Variants in SNTG1 observed in about 807,000 individuals in gnomAD.
SNTG1 encodes the protein syntrophin gamma 1, also known as gamma-1-syntrophin.
Under a neutral mutation model 74.7 loss-of-function variants are expected in SNTG1, and 39 were observed. The observed-to-expected ratio is 0.52, with a 90% CI of 0.40 to 0.68. The LOEUF (loss-of-function observed/expected upper bound fraction) is 0.68, where lower values mean the gene tolerates loss of function less well. SNTG1 is among the 30% of genes least tolerant of loss of function. The pLI, the probability that SNTG1 is intolerant of heterozygous loss-of-function variation, is 0.00. For synonymous variants in SNTG1, 254 were observed against 217.1 expected (o/e 1.17, Z -1.49); for missense variants, 685 against 609.5 (o/e 1.12, Z -1.30).
At chr8:50,357,372 A>G (rs1355219096) in intron 2 of SNTG1, among the ~76,000 whole-genome samples, 7 of 152,220 alleles carry the variant, frequency 4.6e-5, no homozygotes, top group Non-Finnish European at 1.0e-4. Context: ...AGGTTTACAC[A>G]TTGTTTCTGC....
At chr8:50,094,100 TG>T (rs2079841530) in intron 1 of SNTG1, among the ~76,000 whole-genome samples, 1 of 152,094 alleles carries the variant, frequency 6.6e-6, no homozygotes, top group Non-Finnish European at 1.5e-5. Flanking sequence ...AGGTGTTTGC[TG>T]AAATTATATG....
At position 50,645,847 on chromosome 8, in the gene SNTG1, T is replaced by C. The variant is rs573104561; in HGVS notation, c.850-11062T>C. ...TAGTCCTTTGATACTGCTGGGATTCTCTGTTTTAGCCTCTCGGCAATGATT... is the reference window on the plus strand; with the variant it reads ...TAGTCCTTTGATACTGCTGGGATTCCCTGTTTTAGCCTCTCGGCAATGATT... On this transcript the variant is annotated intron_variant, in intron 13 of 18. Transcript: ENST00000642720. Among the ~76,000 whole-genome samples, 5 of 152,212 alleles carry C rather than the reference T, an allele frequency of 3.3e-5. No homozygotes were observed. In the East Asian group the frequency reaches 9.7e-4, roughly 30 times the overall value.
intron 9 of SNTG1, among the ~76,000 whole-genome samples, chr8:50,517,058 A>C (rs1245351858): frequency 6.6e-6 from 1 of 152,168 alleles, no homozygotes. Flanking sequence ...AGGTCGTGTT[A>C]CCAACAAAGG....
chr8:50,691,860 A>C (rs180873046), intron 15 of SNTG1, among the ~76,000 whole-genome samples: 1 of 152,212 alleles, frequency 6.6e-6, no homozygotes, highest in South Asian at 2.1e-4. Context: ...ACTTGGTTCC[A>C]TTCTCCCTGT....
chr8:50,446,258 G>A (rs1355619827), intron 5 of SNTG1, among the ~76,000 whole-genome samples: 1 of 152,112 alleles, frequency 6.6e-6, no homozygotes, highest in East Asian at 1.9e-4. Flanking sequence ...AATGAAGGCA[G>A]CGTGATTTTG....
intron 17 of SNTG1, chr8:50,709,311 A>G (rs2095454874): frequency 6.0e-6 from 2 of 332,860 alleles, no homozygotes; most frequent in Middle Eastern, 7.9e-4. Context: ...AGCAGTTTTT[A>G]AAAAACATGT....
chr8:50,706,791 C>A (rs547836795), intron 16 of SNTG1, among the ~76,000 whole-genome samples: 7 of 151,844 alleles, frequency 4.6e-5, no homozygotes, highest in Non-Finnish European at 4.4e-5. Flanking sequence ...ACATGAAGAA[C>A]CTTAACACGT....
intron 15 of SNTG1, among the ~76,000 whole-genome samples, chr8:50,691,134 A>T (rs2095376855): frequency 6.6e-6 from 1 of 152,014 alleles, no homozygotes; most frequent in Non-Finnish European, 1.5e-5. Flanking sequence ...TTTTGAGCCT[A>T]TGTGTGTCTC....
intron 1 of SNTG1, among the ~76,000 whole-genome samples, chr8:50,117,232 A>G (rs895021566): frequency 4.6e-5 from 7 of 152,044 alleles, no homozygotes; most frequent in Non-Finnish European, 5.9e-5. Context: ...TCTTTTCCAG[A>G]GTGTGTGCAC....
intron 4 of SNTG1, among the ~76,000 whole-genome samples, chr8:50,407,414 A>G (rs1035086563): frequency 6.6e-6 from 1 of 152,190 alleles, no homozygotes; most frequent in African/African-American, 2.4e-5. Flanking sequence ...GACTGAAAAC[A>G]AGATTGCTAT....
chr8:50,472,363 A>G (rs1183086186), intron 8 of SNTG1, among the ~76,000 whole-genome samples: 1 of 152,214 alleles, frequency 6.6e-6, no homozygotes, highest in Non-Finnish European at 1.5e-5. Flanking sequence ...AGATGTGATG[A>G]AGAGAATAGT....
chr8:50,058,726 A>C (rs1158710919), intron 1 of SNTG1, among the ~76,000 whole-genome samples: 1 of 150,858 alleles, frequency 6.6e-6, no homozygotes, highest in Non-Finnish European at 1.5e-5. Flanking sequence ...CCACAATTTT[A>C]CTTACATTTG....
intron 1 of SNTG1, among the ~76,000 whole-genome samples, chr8:50,018,617 A>G (rs148881240): frequency 3.5e-4 from 53 of 152,182 alleles, no homozygotes; most frequent in Non-Finnish European, 6.8e-4. Flanking sequence ...TACTTATGAT[A>G]TCAAAAGCAA....
At chr8:49,918,575 A>G (rs1261039218) in intron 1 of SNTG1, among the ~76,000 whole-genome samples, 8 of 152,160 alleles carry the variant, frequency 5.3e-5, no homozygotes, top group African/African-American at 1.7e-4. Context: ...AACACACTCT[A>G]TAGAATATTC....
chr8:50,431,318 T>C (rs2093233165), intron 4 of SNTG1, among the ~76,000 whole-genome samples: 1 of 152,178 alleles, frequency 6.6e-6, no homozygotes, highest in African/African-American at 2.4e-5. Context: ...TGATAGGAGA[T>C]ATTGATAACA....
chr8:50,079,716 A>T (rs1156312729), intron 1 of SNTG1, among the ~76,000 whole-genome samples: 1 of 152,144 alleles, frequency 6.6e-6, no homozygotes, highest in Non-Finnish European at 1.5e-5. Context: ...TTCAGTCTTT[A>T]ATCAATCTTG....
rs2092814688 is a variant in SNTG1, at chr8:50,402,200, T to A, written c.28-10T>A. The A allele has an allele frequency of 1.3e-6, 2 of 1,581,096 alleles. No individual in the cohort carries two copies. On this transcript the variant is annotated splice_polypyrimidine_tract_variant and intron_variant, in intron 3 of 18. Coordinates refer to ENST00000642720, the MANE Select transcript of SNTG1 (RefSeq NM_018967.5). ...TTTTTCCTCTGTTTGTTTTTTTTTT[T>A]AATCTGAAGACAAAGACAGGAATTT...
intron 15 of SNTG1, among the ~76,000 whole-genome samples, chr8:50,696,727 C>T (rs191417439): frequency 1.1e-4 from 17 of 152,092 alleles, no homozygotes; most frequent in Middle Eastern, 3.4e-3. Flanking sequence ...TTGACTTTGA[C>T]AAAGTTCACT....
chr8:50,314,253 GT>G (rs200508591), intron 2 of SNTG1, among the ~76,000 whole-genome samples: 12 of 147,108 alleles, frequency 8.2e-5, no homozygotes, highest in Admixed American at 2.8e-4. Context: ...TATATGTCTT[GT>G]TTTTTTTTAA....
Sources: allele counts gnomAD v4.1 joint callset (sites outside exome capture counted in the v4.1 genomes callset), GRCh38; gene constraint gnomAD v4.1.1; transcripts MANE v1.5; gene names NCBI Gene and HGNC (gene_info 2026-07-23, HGNC 2026-07-21).